AKAP6: variants seen among roughly 807,000 people sequenced by gnomAD.
AKAP6 encodes A-kinase anchor protein 6.
AKAP6 carries 58 observed loss-of-function variants against 188.5 expected under a neutral mutation model. The observed-to-expected ratio is 0.31, with a 90% CI of 0.25 to 0.38. The LOEUF (loss-of-function observed/expected upper bound fraction) is 0.38. AKAP6 is among the 10% of genes least tolerant of loss of function. The probability of loss-of-function intolerance (pLI) is 1.00; values close to 1 mark genes in which losing one functional copy is unlikely to be tolerated. For synonymous variants in AKAP6, 989 were observed against 998.6 expected (o/e 0.99, Z 0.18); for missense variants, 2,710 against 2,740.0 (o/e 0.99, Z 0.24).
chr14:32,770,881 G>A (rs1403762975), intron 11 of AKAP6, among the ~76,000 whole-genome samples: 1 of 152,220 alleles, frequency 6.6e-6, no homozygotes, highest in East Asian at 1.9e-4. Context: ...GGAAAGTGCA[G>A]TACACATTTG....
chr14:32,631,084 A>AAT (rs1887249735), intron 7 of AKAP6, among the ~76,000 whole-genome samples: 1 of 152,058 alleles, frequency 6.6e-6, no homozygotes, highest in Non-Finnish European at 1.5e-5. Flanking sequence ...TTTATTAAGA[A>AAT]ATATACTTTC....
intron 1 of AKAP6, among the ~76,000 whole-genome samples, chr14:32,358,471 A>T (rs1887551717): frequency 6.6e-6 from 1 of 152,184 alleles, no homozygotes; most frequent in South Asian, 2.1e-4. Context: ...AGGAATTTGG[A>T]TACACTTTAT....
intron 12 of AKAP6, among the ~76,000 whole-genome samples, chr14:32,785,496 G>C (rs1215061976): frequency 1.3e-5 from 2 of 152,082 alleles, no homozygotes; most frequent in Admixed American, 6.6e-5. Flanking sequence ...ATTACCAAAA[G>C]TAATAGAATG....
At chr14:32,571,512 A>G (rs1950701) in intron 4 of AKAP6, among the ~76,000 whole-genome samples, 70,747 of 151,978 alleles carry the variant, frequency 0.47, 17,090 homozygotes, top group African/African-American at 0.61. Flanking sequence ...CCTTATCTCT[A>G]AAGAGACCCT....
At chr14:32,744,261 T>A (rs905105574) in intron 11 of AKAP6, among the ~76,000 whole-genome samples, 6 of 152,084 alleles carry the variant, frequency 3.9e-5, no homozygotes, top group Non-Finnish European at 7.4e-5. Context: ...GGTAGCCTTC[T>A]TTGGGTTAAA....
At chr14:32,658,707 C>T (rs1377657028) in intron 7 of AKAP6, among the ~76,000 whole-genome samples, 1 of 149,896 alleles carries the variant, frequency 6.7e-6, no homozygotes, top group South Asian at 2.1e-4. Flanking sequence ...AAATAACACT[C>T]TTAGGGGTGC....
chr14:32,725,598 G>A (rs907515984), intron 9 of AKAP6, among the ~76,000 whole-genome samples: 2 of 152,042 alleles, frequency 1.3e-5, no homozygotes, highest in African/African-American at 4.8e-5. Flanking sequence ...TTATAGTAAA[G>A]GATATTAATA....
intron 12 of AKAP6, among the ~76,000 whole-genome samples, chr14:32,792,072 T>C (rs1018002116): frequency 6.6e-6 from 1 of 152,200 alleles, no homozygotes; most frequent in Non-Finnish European, 1.5e-5. Flanking sequence ...CTAGCTTTGT[T>C]CTTTTTGCTT....
At chr14:32,673,640 TAGG>T (rs1889312328) in intron 7 of AKAP6, among the ~76,000 whole-genome samples, 1 of 151,972 alleles carries the variant, frequency 6.6e-6, no homozygotes, top group Non-Finnish European at 1.5e-5. Context: ...GAGGCTGAGG[TAGG>T]AGATTCGCTT....
intron 9 of AKAP6, among the ~76,000 whole-genome samples, chr14:32,717,112 A>G (rs1020097812): frequency 6.6e-6 from 1 of 152,124 alleles, no homozygotes; most frequent in Non-Finnish European, 1.5e-5. Flanking sequence ...ACAAAGGCAG[A>G]AGTAACAGTT....
intron 7 of AKAP6, among the ~76,000 whole-genome samples, chr14:32,646,427 T>C (rs1566623816): frequency 6.6e-6 from 1 of 152,100 alleles, no homozygotes; most frequent in Non-Finnish European, 1.5e-5. Flanking sequence ...AACTGTGTAG[T>C]AACAATTATT....
chr14:32,676,910 T>C (rs1288983738), intron 7 of AKAP6, among the ~76,000 whole-genome samples: 1 of 152,208 alleles, frequency 6.6e-6, no homozygotes, highest in Non-Finnish European at 1.5e-5. Context: ...CTTGGCTCAC[T>C]GCAACTTCCT....
At chr14:32,434,952 T>C (rs1202230278) in intron 2 of AKAP6, among the ~76,000 whole-genome samples, 1 of 152,204 alleles carries the variant, frequency 6.6e-6, no homozygotes, top group Non-Finnish European at 1.5e-5. Flanking sequence ...AGTGTCTGAT[T>C]TCTACAGGTT....
chr14:32,757,702 T>A (rs900832847), intron 11 of AKAP6, among the ~76,000 whole-genome samples: 2 of 152,204 alleles, frequency 1.3e-5, no homozygotes, highest in Non-Finnish European at 2.9e-5. Flanking sequence ...ATAGTCCTCT[T>A]CCAAGGAACA....
chr14:32,636,470 G>T (rs1193242878), intron 7 of AKAP6, among the ~76,000 whole-genome samples: 1 of 152,046 alleles, frequency 6.6e-6, no homozygotes, highest in African/African-American at 2.4e-5. Context: ...ATATAGATAG[G>T]TGCTGAGAGT....
intron 4 of AKAP6, among the ~76,000 whole-genome samples, chr14:32,548,059 T>G (rs1485297020): frequency 6.6e-6 from 1 of 151,718 alleles, no homozygotes; most frequent in African/African-American, 2.4e-5. Flanking sequence ...ATAATTTGTG[T>G]ATGACTTTAT....
chr14:32,823,652 A>G lies in AKAP6; in HGVS notation c.5839A>G (p.Thr1947Ala), dbSNP rs1403456911. Residue 1947 changes from threonine to alanine, a missense_variant, in exon 13 of 14, where the codon ACT becomes GCT. Around this residue, in one of 2 missense-constraint regions of AKAP6, gnomAD observed 2,473 missense variants for 2,426.1 expected, o/e 1.02. Coordinates refer to ENST00000280979, the MANE Select transcript of AKAP6 (RefSeq NM_004274.5). ...ALMDSLDDSN[T>A]AGKEFVSQDV... ...TATGGATAGTTTAGATGATTCAAAT[A>G]CTGCTGGCAAGGAATTTGTTTCCCA... 1 of 1,613,826 alleles carries G rather than the reference A, an allele frequency of 6.2e-7. No homozygotes were observed. Among genetic ancestry groups the G allele is most frequent in the Non-Finnish European group, 8.5e-7 (1 of 1,179,902 alleles).
chr14:32,831,166 G>A lies in AKAP6; in HGVS notation c.*1361G>A, dbSNP rs1285480767. On this transcript the variant is annotated 3_prime_UTR_variant, in exon 14 of 14. Coordinates refer to ENST00000280979, the MANE Select transcript of AKAP6 (RefSeq NM_004274.5). ...AGTTTGATAGAAAGCTAGTAGAAAA[G>A]TACAGAAAATTTGACTATTATTTAT... 6.6e-6 allele frequency: 1 copy of A among 152,052 alleles called. No homozygotes were observed. The highest frequency in any genetic ancestry group is 1.5e-5 in the Non-Finnish European group (1 of 67,986). The allele number at this position is 152,052 out of a possible 1,614,324, so 9.4% of individuals were successfully genotyped here. A position where few individuals can be genotyped will look rare whatever the true frequency, so the allele number is the denominator to read the frequency against.
At chr14:32,781,470 A>G (rs2033249432) in intron 12 of AKAP6, among the ~76,000 whole-genome samples, 1 of 152,158 alleles carries the variant, frequency 6.6e-6, no homozygotes, top group African/African-American at 2.4e-5. Context: ...TTGGCTTTAT[A>G]GGTGAATTCT....
Sources: gnomAD v4.1 joint callset for allele counts (sites outside exome capture counted in the v4.1 genomes callset) on GRCh38, gnomAD v4.1.1 for gene constraint, gnomAD v4.1.1 regional missense constraint, MANE v1.5 for transcripts, NCBI Gene and HGNC (gene_info 2026-07-23, HGNC 2026-07-21) for gene names.